Variants in NF2 observed in about 807,000 individuals in gnomAD.
NF2 encodes NF2, moesin-ezrin-radixin like (MERLIN) tumor suppressor.
Under a neutral mutation model 83.7 loss-of-function variants are expected in NF2, and 8 were observed. That is an observed-to-expected ratio of 0.10 (90% confidence interval 0.06 to 0.17). The LOEUF (loss-of-function observed/expected upper bound fraction) is 0.17. Among genes scored for constraint, NF2 ranks in the 10% least tolerant of loss-of-function variants. The probability of loss-of-function intolerance (pLI) is 1.00; values close to 1 mark genes in which losing one functional copy is unlikely to be tolerated. For missense variants in NF2, 533 were observed against 744.4 expected (o/e 0.72, Z 3.31); for synonymous variants, 266 against 269.6 (o/e 0.99, Z 0.13).
intron 4 of NF2, among the ~76,000 whole-genome samples, chr22:29,650,965 CTATTTTACGT>C (rs1272413060): frequency 1.3e-5 from 2 of 152,160 alleles, no homozygotes; most frequent in African/African-American, 4.8e-5. Flanking sequence ...AACCTTTTGT[CTATTTTACGT>C]ATAGGACTGG....
At chr22:29,657,763 A>G (rs1212092511) in intron 6 of NF2, among the ~76,000 whole-genome samples, 1 of 152,226 alleles carries the variant, frequency 6.6e-6, no homozygotes, top group East Asian at 1.9e-4. Flanking sequence ...TTGCAGAGAG[A>G]GCTGTTTCAT....
intron 7 of NF2, among the ~76,000 whole-genome samples, chr22:29,658,881 G>A (rs1035377170): frequency 1.2e-4 from 19 of 152,202 alleles, no homozygotes; most frequent in African/African-American, 4.6e-4. Context: ...AGGGATGCAT[G>A]CGATTTGCCA....
chr22:29,693,801 G>A (rs1344172032), intron 15 of NF2, among the ~76,000 whole-genome samples: 10 of 152,114 alleles, frequency 6.6e-5, no homozygotes, highest in Non-Finnish European at 1.2e-4. Context: ...GATATTTGGG[G>A]GATATGAAGA....
chr22:29,671,790 T>G, intron 10 of NF2, 36 bp from the exon 11 acceptor site: 1 of 1,613,124 alleles, frequency 6.2e-7, no homozygotes. Context: ...TCTCGAGCCC[T>G]GTGATTCAAT....
At chr22:29,669,001 C>T (rs1191605678) in intron 10 of NF2, among the ~76,000 whole-genome samples, 3 of 152,242 alleles carry the variant, frequency 2.0e-5, no homozygotes, top group Admixed American at 2.0e-4. Flanking sequence ...ACCTTCTCTG[C>T]TCATGGAAAT....
At chr22:29,685,858 T>C (rs549076229) in intron 15 of NF2, among the ~76,000 whole-genome samples, 3 of 152,294 alleles carry the variant, frequency 2.0e-5, no homozygotes, top group South Asian at 2.1e-4. Context: ...GTTACCGCAT[T>C]CCCTGAGGAA....
rs1381348849 is a variant in NF2, at chr22:29,694,045, ACCCCAT to A, written c.1738-702_1738-697del. Among the ~76,000 whole-genome samples, 1 of 152,018 alleles carries A rather than the reference ACCCCAT, an allele frequency of 6.6e-6. No individual in the cohort carries two copies. Among genetic ancestry groups the A allele is most frequent in the Admixed American group, 6.5e-5 (1 of 15,274 alleles). ...ATGCCAAGAGCTCGGTCCCTGATCCACCCCATCCCCTTCCACATCTCCCTGACTGTC... is the reference window on the plus strand; with the variant it reads ...ATGCCAAGAGCTCGGTCCCTGATCCACCCCTTCCACATCTCCCTGACTGTC... On this transcript the variant is annotated intron_variant, in intron 15 of 15. Transcript: ENST00000338641. This position sits in a 1 kb window ranked among gnomAD's most constrained non-coding sequence, Gnocchi z 4.1.
chr22:29,607,542 G>T (rs1339775482), intron 1 of NF2, among the ~76,000 whole-genome samples: 4 of 152,110 alleles, frequency 2.6e-5, no homozygotes, highest in African/African-American at 9.7e-5. Context: ...GCCCTGGAGA[G>T]GGGGTACCAA....
chr22:29,677,131 T>G (rs1194389950), intron 13 of NF2, among the ~76,000 whole-genome samples: 3 of 152,200 alleles, frequency 2.0e-5, no homozygotes, highest in Non-Finnish European at 4.4e-5. Context: ...GCAGATTGTT[T>G]GCAGGAAACT....
chr22:29,638,998 A>T, intron 2 of NF2, 92 bp from the exon 3 acceptor site: 1 of 1,584,070 alleles, frequency 6.3e-7, no homozygotes, highest in South Asian at 1.1e-5. Context: ...TGGGAAAAAA[A>T]TTTAATGCAC....
In NF2 at chr22:29,636,077, A is replaced by G. The variant is rs1000079254; in HGVS notation, c.115-674A>G. ...CTTTTGAAAGTGAGGCTATAGGATA[A>G]ACACACTACAGTATATTGATATCTA... is the stretch of plus-strand genomic sequence containing the variant. On this transcript the variant is annotated intron_variant, in intron 1 of 15. Transcript: ENST00000338641. The surrounding 1 kb of genome is among the most constrained non-coding windows in gnomAD (Gnocchi z 4.4). Among the ~76,000 whole-genome samples the G allele has an allele frequency of 6.6e-6, 1 of 152,212 alleles. No individual in the cohort carries two copies. Among genetic ancestry groups the G allele is most frequent in the African/African-American group, 2.4e-5 (1 of 41,450 alleles).
At chr22:29,643,892 C>G (rs1318516709) in intron 4 of NF2, among the ~76,000 whole-genome samples, 5 of 151,374 alleles carry the variant, frequency 3.3e-5, no homozygotes, top group East Asian at 3.9e-4. Flanking sequence ...CCTCACCTCC[C>G]GGATGGGGCG....
chr22:29,649,968 C>T (rs377601229), intron 4 of NF2, among the ~76,000 whole-genome samples: 3 of 151,924 alleles, frequency 2.0e-5, no homozygotes, highest in Non-Finnish European at 4.4e-5. Flanking sequence ...CATTGCACAC[C>T]GTATCAAAAC....
chr22:29,642,403 A>G lies in NF2; in HGVS notation c.447+118A>G, dbSNP rs966854671. 8 of 812,074 alleles carry G rather than the reference A, an allele frequency of 9.9e-6. No individual in the cohort carries two copies. In the African/African-American group the frequency reaches 1.3e-4, roughly 14 times the overall value. The allele number at this position is 812,074 out of a possible 1,614,324, so 50.3% of individuals were successfully genotyped here. A position where few individuals can be genotyped will look rare whatever the true frequency, so the allele number is the denominator to read the frequency against. ...TCAGAGAGACTTGCCCCAGAAAGTG[A>G]GATGTTATGGGACTTGTGGACTTGA... is the stretch of plus-strand genomic sequence containing the variant. On this transcript the variant is annotated intron_variant, in intron 4 of 15. Transcript: ENST00000338641.
At chr22:29,615,500 G>C (rs2065061185) in intron 1 of NF2, among the ~76,000 whole-genome samples, 1 of 152,142 alleles carries the variant, frequency 6.6e-6, no homozygotes, top group African/African-American at 2.4e-5. Flanking sequence ...TTGAGCCTGG[G>C]AGAGGCTATA....
intron 8 of NF2, 54 bp downstream of exon 8, chr22:29,661,393 C>A (rs2066473809): frequency 6.2e-7 from 1 of 1,608,324 alleles, no homozygotes; most frequent in Admixed American, 1.7e-5. Context: ...CTGTCTGCCC[C>A]CCTCACTGGA....
intron 11 of NF2, among the ~76,000 whole-genome samples, chr22:29,672,328 T>TTTTTTG (rs1429345394): frequency 2.0e-5 from 3 of 151,122 alleles, no homozygotes; most frequent in African/African-American, 7.3e-5. Flanking sequence ...TTTTTTTTTT[T>TTTTTTG]TGAGACGGAG....
intron 11 of NF2, 77 bp downstream of exon 11, chr22:29,672,025 A>G: frequency 6.2e-7 from 1 of 1,605,154 alleles, no homozygotes; most frequent in Non-Finnish European, 8.5e-7. Context: ...GTCTCCTGAA[A>G]ACCATGAGTT....
chr22:29,630,788 T>C (rs934746760), intron 1 of NF2, among the ~76,000 whole-genome samples: 2 of 152,222 alleles, frequency 1.3e-5, no homozygotes, highest in African/African-American at 2.4e-5. Context: ...TTGAACACTT[T>C]GGCTGCGTGG....
Sources: gnomAD v4.1 joint callset for allele counts (sites outside exome capture counted in the v4.1 genomes callset) on GRCh38, gnomAD v4.1.1 for gene constraint, Gnocchi (gnomAD v3.1) non-coding constraint, MANE v1.5 for transcripts, NCBI Gene and HGNC (gene_info 2026-07-23, HGNC 2026-07-21) for gene names.